PPP1R12A: variants seen among roughly 807,000 people sequenced by gnomAD.
The protein encoded by PPP1R12A is protein phosphatase 1 regulatory subunit 12A, also known as myosin binding subunit.
In PPP1R12A, 19 loss-of-function variants were observed where a neutral mutation model predicts 139.6. That is an observed-to-expected ratio of 0.14 (90% confidence interval 0.09 to 0.20). The LOEUF (loss-of-function observed/expected upper bound fraction) is 0.20. PPP1R12A is among the 10% of genes least tolerant of loss of function. The probability of loss-of-function intolerance (pLI) is 1.00; values close to 1 mark genes in which losing one functional copy is unlikely to be tolerated. For missense variants in PPP1R12A, 925 were observed against 1,211.5 expected, an observed-to-expected ratio of 0.76 and a Z score of 3.51; for synonymous variants, 427 against 420.6, an observed-to-expected ratio of 1.02 and a Z score of -0.19.
At chr12:79,777,326 T>G (rs924260127) in intron 24 of PPP1R12A, 25 of 981,594 alleles carry the variant, frequency 2.5e-5, no homozygotes, top group Non-Finnish European at 2.9e-5. Flanking sequence ...TCCCTAATTT[T>G]AATGTAGCTC....
intron 1 of PPP1R12A, among the ~76,000 whole-genome samples, chr12:79,885,779 T>C (rs995501535): frequency 1.3e-5 from 2 of 152,226 alleles, no homozygotes; most frequent in African/African-American, 2.4e-5. Context: ...TAATTATTGA[T>C]AGGTAATAGG....
intron 3 of PPP1R12A, among the ~76,000 whole-genome samples, chr12:79,833,549 G>C (rs972002130): frequency 6.6e-6 from 1 of 151,888 alleles, no homozygotes; most frequent in Non-Finnish European, 1.5e-5. Context: ...TCAGAGCCAG[G>C]TGCGTTGGCT....
At chr12:79,844,488 T>C (rs1265449306) in intron 3 of PPP1R12A, among the ~76,000 whole-genome samples, 1 of 152,154 alleles carries the variant, frequency 6.6e-6, no homozygotes, top group Non-Finnish European at 1.5e-5. Context: ...CTTCAAAATA[T>C]ATCCATAATC....
At chr12:79,932,315 T>G (rs1189812947) in intron 1 of PPP1R12A, among the ~76,000 whole-genome samples, 1 of 152,172 alleles carries the variant, frequency 6.6e-6, no homozygotes, top group African/African-American at 2.4e-5. Flanking sequence ...TTTATTGTCT[T>G]TCACTAACTG....
intron 1 of PPP1R12A, among the ~76,000 whole-genome samples, chr12:79,932,299 A>G (rs950868822): frequency 6.6e-5 from 10 of 152,138 alleles, no homozygotes; most frequent in African/African-American, 1.9e-4. Flanking sequence ...GTGGTTTTTA[A>G]TTTTATTTAT....
intron 1 of PPP1R12A, 136 bp downstream of exon 1, chr12:79,934,558 GA>G (rs1367738950): frequency 1.1e-5 from 9 of 819,086 alleles, no homozygotes; most frequent in African/African-American, 1.8e-5. Context: ...GCCCTCTGGG[GA>G]AACCGCCCCC....
chr12:79,918,171 AC>A (rs1021602704), intron 1 of PPP1R12A, among the ~76,000 whole-genome samples: 133 of 152,088 alleles, frequency 8.7e-4, no homozygotes, highest in Middle Eastern at 3.4e-3. Flanking sequence ...AAAAAAAAAA[AC>A]ATAATCACGA....
chr12:79,877,640 T>C (rs774595797), intron 1 of PPP1R12A, among the ~76,000 whole-genome samples: 2 of 152,108 alleles, frequency 1.3e-5, no homozygotes, highest in Non-Finnish European at 2.9e-5. Context: ...ATCAGCCTCC[T>C]AGGTAGCTGG....
chr12:79,890,901 CCACCCACACACACACACACACA>C (rs1295153783), intron 1 of PPP1R12A, among the ~76,000 whole-genome samples: 1 of 30,968 alleles, frequency 3.2e-5, no homozygotes, highest in Non-Finnish European at 5.5e-5. Flanking sequence ...CCACCCACAC[CCACCCACACACACACACACACA>C]CACACACACA....
intron 3 of PPP1R12A, among the ~76,000 whole-genome samples, chr12:79,834,618 TG>T (rs1169900028): frequency 6.6e-6 from 1 of 152,178 alleles, no homozygotes; most frequent in Admixed American, 6.5e-5. Flanking sequence ...TCTGAGCAAT[TG>T]AAAAAATTAA....
intron 1 of PPP1R12A, among the ~76,000 whole-genome samples, chr12:79,893,006 A>AG (rs1395115982): frequency 2.0e-5 from 3 of 151,816 alleles, no homozygotes; most frequent in Non-Finnish European, 2.9e-5. Context: ...CAGGAGGCTG[A>AG]GGCAGGAGAA....
At chr12:79,892,496 A>G (rs1486868246) in intron 1 of PPP1R12A, among the ~76,000 whole-genome samples, 3 of 152,186 alleles carry the variant, frequency 2.0e-5, no homozygotes, top group Non-Finnish European at 4.4e-5. Context: ...TAATTTTTTT[A>G]AAAAAGAAAT....
At chr12:79,838,932 C>T (rs1362686023) in intron 3 of PPP1R12A, among the ~76,000 whole-genome samples, 3 of 152,198 alleles carry the variant, frequency 2.0e-5, no homozygotes, top group Non-Finnish European at 2.9e-5. Flanking sequence ...GAGAAGAGGG[C>T]CACCGTCTTC....
intron 1 of PPP1R12A, among the ~76,000 whole-genome samples, chr12:79,907,043 C>T (rs1451270777): frequency 1.3e-5 from 2 of 152,064 alleles, no homozygotes; most frequent in Non-Finnish European, 2.9e-5. Flanking sequence ...TAATGTACTT[C>T]ATTAATATAT....
In PPP1R12A at chr12:79,873,727, A is replaced by G. The variant is rs114097273; in HGVS notation, c.238-789T>C. On this transcript the variant is annotated intron_variant, in intron 1 of 24. Transcript: ENST00000450142. ...ATATATGTCTTTGACAAAGCGGTAC[A>G]TATTAAATCTTGGCCCTTGTATACA... Among the ~76,000 whole-genome samples the G allele has an allele frequency of 5.4e-3, 823 of 152,240 alleles. 5 individuals are homozygous for G. Among genetic ancestry groups the G allele is most frequent in the African/African-American group, 0.019 (782 of 41,540 alleles).
At chr12:79,838,739 T>C (rs1005851880) in intron 3 of PPP1R12A, among the ~76,000 whole-genome samples, 1 of 152,196 alleles carries the variant, frequency 6.6e-6, no homozygotes, top group African/African-American at 2.4e-5. Context: ...AGTCAAGAAC[T>C]GAGGTTTGGG....
intron 14 of PPP1R12A, 78 bp downstream of exon 14, chr12:79,805,514 A>G (rs1268773896): frequency 7.2e-7 from 1 of 1,391,800 alleles, no homozygotes; most frequent in East Asian, 2.4e-5. Flanking sequence ...TCAACCTCAC[A>G]AGATCTTTTT....
At chr12:79,851,469 A>G (rs180781686) in intron 2 of PPP1R12A, among the ~76,000 whole-genome samples, 1 of 152,354 alleles carries the variant, frequency 6.6e-6, no homozygotes, top group African/African-American at 2.4e-5. Flanking sequence ...AACAAATGTG[A>G]CATGTAGTCT....
At position 79,805,618 on chromosome 12, in the gene PPP1R12A, G is replaced by A. The variant is rs764206129; in HGVS notation, c.1974C>T (p.Ser658=). 1.9e-6 allele frequency: 3 copies of A among 1,613,728 alleles called. No homozygotes were observed. Among genetic ancestry groups the A allele is most frequent in the Admixed American group, 3.3e-5 (2 of 59,986 alleles). The change falls in exon 14 of 25, where the codon TCC becomes TCT. Residue 658 remains serine, a synonymous_variant. Coordinates refer to ENST00000450142, the MANE Select transcript of PPP1R12A (RefSeq NM_002480.3). ...TGCGTCTCTCCCTGACCTCTGTTGT[G>A]GAGGAGACAGTGCCAGCAGTAGTTG... is the stretch of plus-strand genomic sequence containing the variant. ...LTTTTAGTVS[S]TTEVRERRRS... is the part of the protein sequence containing the mutation.
Sources: allele counts gnomAD v4.1 joint callset (sites outside exome capture counted in the v4.1 genomes callset), GRCh38; gene constraint gnomAD v4.1.1; transcripts MANE v1.5; gene names NCBI Gene and HGNC (gene_info 2026-07-23, HGNC 2026-07-21).